Variants in HSPA4 observed in about 807,000 individuals in gnomAD.
HSPA4 encodes heat shock protein family A (Hsp70) member 4, also known as heat shock 70 kDa protein 4.
A neutral mutation model predicts 106.2 loss-of-function variants in HSPA4; 25 were observed. The ratio of observed to expected loss-of-function variants is 0.24; its 90% CI spans 0.17 to 0.33. The LOEUF is 0.33. HSPA4 is among the 10% of genes least tolerant of loss of function. The probability of loss-of-function intolerance (pLI) is 1.00; values close to 1 mark genes in which losing one functional copy is unlikely to be tolerated. For synonymous variants in HSPA4, 332 were observed against 333.6 expected, an observed-to-expected ratio of 1.00 and a Z score of 0.05; for missense variants, 841 against 996.0, an observed-to-expected ratio of 0.84 and a Z score of 2.10.
intron 1 of HSPA4, among the ~76,000 whole-genome samples, chr5:133,061,613 A>T (rs1028017954): frequency 1.3e-5 from 2 of 151,696 alleles, no homozygotes; most frequent in African/African-American, 2.4e-5. Context: ...AAGAGGTAAA[A>T]AGGATTACCA....
chr5:133,089,202 G>A (rs2126710794), intron 10 of HSPA4, 41 bp downstream of exon 10: 1 of 1,108,030 alleles, frequency 9.0e-7, no homozygotes, highest in Non-Finnish European at 1.3e-6. Context: ...AAAGTTAATT[G>A]ACTATTAGGT....
intron 16 of HSPA4, 33 bp from the exon 17 acceptor site, chr5:133,101,726 T>C (rs1035267193): frequency 1.9e-6 from 3 of 1,594,486 alleles, no homozygotes; most frequent in African/African-American, 2.7e-5. Flanking sequence ...ATCGTTGAAC[T>C]GCCGTATGAA....
chr5:133,077,302 A>C (rs1253321818), intron 7 of HSPA4, among the ~76,000 whole-genome samples: 1 of 152,082 alleles, frequency 6.6e-6, no homozygotes, highest in East Asian at 1.9e-4. Flanking sequence ...AAAGTGGCAC[A>C]ATCTCAACTC....
In HSPA4 at chr5:133,073,979, T is replaced by G; in HGVS notation, c.530-14T>G. ...TAGACGTTATTTTTAATTTTTGTGT[T>G]TTTTCTTCTGTAGTTGCTCTTGCAT... On this transcript the variant is annotated splice_polypyrimidine_tract_variant and intron_variant, in intron 5 of 18. Transcript: ENST00000304858. 1.3e-6 allele frequency: 2 copies of G among 1,545,556 alleles called. No homozygotes were observed. Among genetic ancestry groups the G allele is most frequent in the Non-Finnish European group, 1.7e-6 (2 of 1,151,916 alleles).
At chr5:133,070,347 C>T (rs1240304074) in intron 3 of HSPA4, 27 bp from the exon 4 acceptor site, 2 of 1,600,330 alleles carry the variant, frequency 1.2e-6, no homozygotes, top group East Asian at 4.5e-5. Context: ...TATAATAAGT[C>T]TAGGCCCCTT....
chr5:133,097,189 A>G lies in HSPA4; in HGVS notation c.1832A>G (p.Glu611Gly). ...EGKMIMQDKL[E>G]KERNDAKNAV... ...AAGATGATCATGCAGGATAAACTGG[A>G]GAAGGAGCGGAATGATGCTAAGAAC... Residue 611 changes from glutamate (E) to glycine (G), a missense_variant, in exon 15 of 19, where the codon GAG (glutamate) becomes GGG (glycine). Glu to Gly is a moderately conservative substitution (Grantham distance 98, BLOSUM62 -2). Around this residue, in one of 5 missense-constraint regions of HSPA4, gnomAD observed 328 missense variants for 372.2 expected, o/e 0.88. Coordinates refer to ENST00000304858, the MANE Select transcript of HSPA4 (RefSeq NM_002154.4). 6.2e-7 allele frequency: 1 copy of G among 1,611,594 alleles called. No individual in the cohort carries two copies.
chr5:133,061,895 A>G (rs1005185171), intron 1 of HSPA4, among the ~76,000 whole-genome samples: 1 of 152,130 alleles, frequency 6.6e-6, no homozygotes. Context: ...TGGCCTCCCT[A>G]AGTGCTGGGA....
chr5:133,077,374 G>A (rs1266622597), intron 7 of HSPA4, among the ~76,000 whole-genome samples: 1 of 152,082 alleles, frequency 6.6e-6, no homozygotes, highest in Non-Finnish European at 1.5e-5. Flanking sequence ...AGTAGCTGGG[G>A]TTATAGGTGC....
At chr5:133,092,605 T>G in intron 12 of HSPA4, 95 bp from the exon 13 acceptor site, 1 of 832,732 alleles carries the variant, frequency 1.2e-6, no homozygotes, top group African/African-American at 1.7e-5. Context: ...TGCTGGTAAT[T>G]CAGCAGGAAT....
intron 7 of HSPA4, among the ~76,000 whole-genome samples, chr5:133,084,204 T>G (rs573493293): frequency 6.6e-6 from 1 of 152,362 alleles, no homozygotes; most frequent in South Asian, 2.1e-4. Flanking sequence ...TTATGTAGTT[T>G]TTTGTGTAAG....
intron 1 of HSPA4, among the ~76,000 whole-genome samples, chr5:133,061,117 TTTC>T (rs1765236266): frequency 1.3e-5 from 2 of 150,918 alleles, no homozygotes; most frequent in Non-Finnish European, 3.0e-5. Flanking sequence ...ATACATGTGT[TTTC>T]TTTTCTTTTT....
At chr5:133,091,610 T>G (rs1037272968) in intron 12 of HSPA4, among the ~76,000 whole-genome samples, 3 of 152,236 alleles carry the variant, frequency 2.0e-5, no homozygotes, top group African/African-American at 7.2e-5. Context: ...CTTCTCAACT[T>G]GAGTTATTCC....
At chr5:133,102,859 C>T (rs1765804915) in intron 17 of HSPA4, among the ~76,000 whole-genome samples, 1 of 148,940 alleles carries the variant, frequency 6.7e-6, no homozygotes, top group Non-Finnish European at 1.5e-5. Flanking sequence ...GCCTCAGCTA[C>T]TTTCTAAGTA....
chr5:133,075,555 G>T (rs1765437478), intron 6 of HSPA4, among the ~76,000 whole-genome samples: 2 of 152,098 alleles, frequency 1.3e-5, no homozygotes, highest in Admixed American at 1.3e-4. Flanking sequence ...AGTTAGCTGG[G>T]TGTGGCGGTG....
chr5:133,091,793 A>G (rs927389257), intron 12 of HSPA4, among the ~76,000 whole-genome samples: 1 of 152,186 alleles, frequency 6.6e-6, no homozygotes, highest in Admixed American at 6.5e-5. Flanking sequence ...TGGGAGGCTG[A>G]GGCAGGAAGA....
At chr5:133,060,664 G>A (rs1449795279) in intron 1 of HSPA4, among the ~76,000 whole-genome samples, 4 of 151,870 alleles carry the variant, frequency 2.6e-5, no homozygotes, top group Non-Finnish European at 5.9e-5. Flanking sequence ...GCCTGGTGCT[G>A]TTTTACATAC....
At chr5:133,098,439 G>A (rs1024558223) in intron 15 of HSPA4, among the ~76,000 whole-genome samples, 1 of 151,858 alleles carries the variant, frequency 6.6e-6, no homozygotes, top group Non-Finnish European at 1.5e-5. Flanking sequence ...AGCCTCCGGA[G>A]TAGCCGGGAG....
Position 133,088,453 on chromosome 5 carries a change from A to G in HSPA4, c.1035A>G (p.Thr345=), listed in dbSNP as rs755700728. The change falls in exon 9 of 19, where the codon ACA becomes ACG. Residue 345 remains threonine (T), a synonymous_variant. Coordinates refer to ENST00000304858, the MANE Select transcript of HSPA4 (RefSeq NM_002154.4). ...IYAVEIVGGA[T]RIPAVKEKIS... is the part of the protein sequence containing the mutation. ...CAGTGGAGATAGTTGGTGGTGCTACACGAATCCCTGCGGTAAAAGAGAAGA... is the reference window on the plus strand; with the variant it reads ...CAGTGGAGATAGTTGGTGGTGCTACGCGAATCCCTGCGGTAAAAGAGAAGA... The G allele has an allele frequency of 6.2e-7, 1 of 1,612,926 alleles. No homozygotes were observed. Among genetic ancestry groups the G allele is most frequent in the East Asian group, 2.2e-5 (1 of 44,874 alleles).
intron 1 of HSPA4, among the ~76,000 whole-genome samples, chr5:133,055,750 C>T (rs1027795578): frequency 3.9e-5 from 6 of 152,082 alleles, no homozygotes; most frequent in Non-Finnish European, 8.8e-5. Flanking sequence ...GTACAGAATA[C>T]AGTGAGAGTA....
Sources: allele counts gnomAD v4.1 joint callset (sites outside exome capture counted in the v4.1 genomes callset), GRCh38; gene constraint gnomAD v4.1.1; regional missense constraint gnomAD v4.1.1; transcripts MANE v1.5; gene names NCBI Gene and HGNC (gene_info 2026-07-23, HGNC 2026-07-21).